Variants in OTUD7A observed in about 807,000 individuals in gnomAD.
OTUD7A encodes the protein OTU deubiquitinase 7A.
OTUD7A carries 12 observed loss-of-function variants against 65.7 expected under a neutral mutation model. That is an observed-to-expected ratio of 0.18 (90% CI 0.12 to 0.30). The LOEUF (loss-of-function observed/expected upper bound fraction) is 0.30, where lower values mean the gene tolerates loss of function less well. OTUD7A is among the 10% of genes least tolerant of loss of function. The pLI is 1.00. For synonymous variants in OTUD7A, 641 were observed against 586.3 expected (o/e 1.09, Z -1.35); for missense variants, 1,148 against 1,304.8 (o/e 0.88, Z 1.85).
intron 1 of OTUD7A, among the ~76,000 whole-genome samples, chr15:31,697,937 C>T (rs146526493): frequency 5.9e-4 from 90 of 152,270 alleles, no homozygotes; most frequent in African/African-American, 1.7e-3. Flanking sequence ...GAGGCATCTC[C>T]GCCATCTAAA....
chr15:31,513,987 T>A (rs1462227509), intron 8 of OTUD7A, among the ~76,000 whole-genome samples: 1 of 152,148 alleles, frequency 6.6e-6, no homozygotes, highest in Admixed American at 6.5e-5. Context: ...GTGTGGCTTC[T>A]CTAAAGCTGG....
chr15:31,647,294 T>C (rs1413845438), intron 3 of OTUD7A, among the ~76,000 whole-genome samples: 1 of 152,216 alleles, frequency 6.6e-6, no homozygotes, highest in Non-Finnish European at 1.5e-5. Context: ...AGTCCTCTAA[T>C]CGCACACACT....
chr15:31,792,341 C>A (rs1895840069), intron 1 of OTUD7A, among the ~76,000 whole-genome samples: 1 of 152,088 alleles, frequency 6.6e-6, no homozygotes, highest in Non-Finnish European at 1.5e-5. Flanking sequence ...CAGTTTAAAA[C>A]CTCCCAATGA....
intron 1 of OTUD7A, among the ~76,000 whole-genome samples, chr15:31,865,289 C>T (rs577415832): frequency 5.3e-4 from 81 of 152,282 alleles, no homozygotes; most frequent in Middle Eastern, 3.4e-3. Flanking sequence ...CAATAACACA[C>T]GTTGTCTTGA....
intron 5 of OTUD7A, among the ~76,000 whole-genome samples, chr15:31,537,906 C>A (rs112248990): frequency 5.9e-5 from 9 of 152,320 alleles, no homozygotes; most frequent in African/African-American, 2.2e-4. Context: ...TGCATTTCTG[C>A]GGCAGACCTC....
intron 1 of OTUD7A, among the ~76,000 whole-genome samples, chr15:31,781,991 C>T (rs1020779929): frequency 1.3e-5 from 2 of 152,204 alleles, no homozygotes; most frequent in African/African-American, 4.8e-5. Context: ...AGTTATAAAG[C>T]TTGTTGCTCA....
At chr15:31,825,856 C>T (rs1411120121) in intron 1 of OTUD7A, among the ~76,000 whole-genome samples, 1 of 152,230 alleles carries the variant, frequency 6.6e-6, no homozygotes, top group Non-Finnish European at 1.5e-5. Flanking sequence ...CATGCGAGTC[C>T]AAAATCCATT....
chr15:31,724,816 A>C (rs561923798), intron 1 of OTUD7A, among the ~76,000 whole-genome samples: 1 of 152,048 alleles, frequency 6.6e-6, no homozygotes, highest in Non-Finnish European at 1.5e-5. Context: ...AAAACTAGAC[A>C]CGATGTTTTA....
At chr15:31,860,270 G>A (rs1303915349) in intron 1 of OTUD7A, among the ~76,000 whole-genome samples, 1 of 152,042 alleles carries the variant, frequency 6.6e-6, no homozygotes, top group Non-Finnish European at 1.5e-5. Context: ...TGCAACCCAA[G>A]TAAACACAAT....
chr15:31,545,663 G>T (rs1888108623), intron 5 of OTUD7A, among the ~76,000 whole-genome samples: 1 of 152,070 alleles, frequency 6.6e-6, no homozygotes, highest in South Asian at 2.1e-4. Context: ...AATTTTACTA[G>T]TCATCAGAAA....
chr15:31,652,077 T>C, intron 3 of OTUD7A, among the ~76,000 whole-genome samples: 1 of 151,768 alleles, frequency 6.6e-6, no homozygotes, highest in Admixed American at 6.6e-5. Context: ...ACTATCTGAT[T>C]TTAAGACTCA....
At chr15:31,506,285 T>C (rs918520543) in intron 8 of OTUD7A, among the ~76,000 whole-genome samples, 1 of 152,146 alleles carries the variant, frequency 6.6e-6, no homozygotes, top group South Asian at 2.1e-4. Flanking sequence ...CCTAATTGCT[T>C]AGCTATTTTT....
At chr15:31,502,567 G>A (rs983370270) in intron 9 of OTUD7A, among the ~76,000 whole-genome samples, 4 of 152,126 alleles carry the variant, frequency 2.6e-5, no homozygotes, top group Admixed American at 6.5e-5. Context: ...GAGTTCCTCC[G>A]CCATCCTCAC....
At chr15:31,592,879 CAAAA>C (rs1170532149) in intron 3 of OTUD7A, among the ~76,000 whole-genome samples, 2 of 8,536 alleles carry the variant, frequency 2.3e-4, no homozygotes, top group Admixed American at 3.1e-3. Context: ...GGCTCTGTCT[CAAAA>C]AAAAAAAAAA....
chr15:31,621,800 C>A (rs1458804610), intron 3 of OTUD7A, among the ~76,000 whole-genome samples: 1 of 149,090 alleles, frequency 6.7e-6, no homozygotes, highest in Non-Finnish European at 1.5e-5. Flanking sequence ...GAATCTGATA[C>A]TGCCATTATG....
intron 3 of OTUD7A, among the ~76,000 whole-genome samples, chr15:31,580,963 C>G (rs915516153): frequency 6.6e-6 from 1 of 152,166 alleles, no homozygotes; most frequent in Non-Finnish European, 1.5e-5. Flanking sequence ...AGCATTAACT[C>G]AAAACTCCAC....
chr15:31,696,004 CGGA>C (rs1407971328), intron 1 of OTUD7A, among the ~76,000 whole-genome samples: 1 of 152,248 alleles, frequency 6.6e-6, no homozygotes, highest in African/African-American at 2.4e-5. Context: ...TACTGCCCCA[CGGA>C]GGAGAATTCT....
chr15:31,549,212 C>A (rs978508548), intron 5 of OTUD7A, among the ~76,000 whole-genome samples: 2 of 151,228 alleles, frequency 1.3e-5, no homozygotes, highest in African/African-American at 4.9e-5. Context: ...CTGTAACATA[C>A]CAATCCAAGT....
At chr15:31,619,982 G>A (rs1413343807) in intron 3 of OTUD7A, among the ~76,000 whole-genome samples, 2 of 152,186 alleles carry the variant, frequency 1.3e-5, no homozygotes, top group East Asian at 3.9e-4. Flanking sequence ...ATCAAGGGTT[G>A]TTGAATTTTG....
Sources: gnomAD v4.1 joint callset for allele counts (sites outside exome capture counted in the v4.1 genomes callset) on GRCh38, gnomAD v4.1.1 for gene constraint, MANE v1.5 for transcripts, NCBI Gene and HGNC (gene_info 2026-07-23, HGNC 2026-07-21) for gene names.